MYO3B: variants seen among roughly 807,000 people sequenced by gnomAD.
The protein encoded by MYO3B is myosin-IIIb.
A neutral mutation model predicts 174.6 loss-of-function variants in MYO3B; 156 were observed. That is an observed-to-expected ratio of 0.89 (90% confidence interval 0.78 to 1.02). MYO3B has a LOEUF of 1.02. Ranked by LOEUF, MYO3B falls within the 50% of genes least tolerant of loss-of-function variation. The probability of loss-of-function intolerance (pLI) is 0.00; values close to 1 mark genes in which losing one functional copy is unlikely to be tolerated. For missense variants in MYO3B, 1,632 were observed against 1,639.4 expected (o/e 1.00, Z 0.08); for synonymous variants, 563 against 569.1 (o/e 0.99, Z 0.15).
intron 9 of MYO3B, among the ~76,000 whole-genome samples, chr2:170,371,216 TAAAAAAAA>T (rs56689548): frequency 1.1e-5 from 1 of 89,712 alleles, no homozygotes; most frequent in Admixed American, 1.3e-4. Context: ...AGACAGTGTC[TAAAAAAAA>T]AAAAAAAAAA....
At chr2:170,650,380 T>C (rs1575348189) in intron 32 of MYO3B, among the ~76,000 whole-genome samples, 1 of 152,144 alleles carries the variant, frequency 6.6e-6, no homozygotes, top group African/African-American at 2.4e-5. Context: ...ACTTTAAAAA[T>C]TCCCCCAGAA....
intron 6 of MYO3B, among the ~76,000 whole-genome samples, chr2:170,228,708 T>C (rs1303012218): frequency 6.6e-6 from 1 of 152,138 alleles, no homozygotes. Context: ...TGTTTTTAAT[T>C]TGAACCTGGC....
intron 32 of MYO3B, among the ~76,000 whole-genome samples, chr2:170,545,882 A>C (rs1690449608): frequency 6.6e-6 from 1 of 152,194 alleles, no homozygotes; most frequent in Admixed American, 6.5e-5. Flanking sequence ...AGATTTCTAA[A>C]GCAAAATCCT....
chr2:170,567,698 G>T (rs1306394125), intron 32 of MYO3B, among the ~76,000 whole-genome samples: 1 of 152,134 alleles, frequency 6.6e-6, no homozygotes, highest in Non-Finnish European at 1.5e-5. Flanking sequence ...AGTGCAAAAA[G>T]TACAACACAG....
At chr2:170,224,846 G>A (rs1018889338) in intron 6 of MYO3B, among the ~76,000 whole-genome samples, 1 of 152,164 alleles carries the variant, frequency 6.6e-6, no homozygotes, top group Non-Finnish European at 1.5e-5. Flanking sequence ...GCAAAGGGTC[G>A]TTGACAAGGG....
At chr2:170,467,840 C>A (rs1382328836) in intron 25 of MYO3B, among the ~76,000 whole-genome samples, 4 of 142,194 alleles carry the variant, frequency 2.8e-5, no homozygotes, top group South Asian at 2.2e-4. Context: ...AAGTTCCTTG[C>A]AATGAGAGCT....
Position 170,401,839 on chromosome 2 carries a change from G to A in MYO3B, c.2129+148G>A, listed in dbSNP as rs549955536. 5.4e-5 allele frequency: 40 copies of A among 745,724 alleles called. No individual in the cohort carries two copies. In the African/African-American group the frequency reaches 6.7e-4, roughly 12 times the overall value. The allele number at this position is 745,724 out of a possible 1,614,324, so 46.2% of individuals were successfully genotyped here. A position where few individuals can be genotyped will look rare whatever the true frequency, so the allele number is the denominator to read the frequency against. ...TTTTGTGGAGTCAGAGTCTCACGCT[G>A]TTGCCCAGGCCGGAGTGCAGTGGCA... is the stretch of plus-strand genomic sequence containing the variant. On this transcript the variant is annotated intron_variant, in intron 18 of 34. Transcript: ENST00000408978.
intron 22 of MYO3B, among the ~76,000 whole-genome samples, chr2:170,415,872 T>C (rs1158082848): frequency 6.6e-6 from 1 of 152,188 alleles, no homozygotes; most frequent in Non-Finnish European, 1.5e-5. Context: ...GTTGTTCTTA[T>C]CAACATAGTC....
At chr2:170,591,230 A>T (rs530962953) in intron 32 of MYO3B, among the ~76,000 whole-genome samples, 1 of 152,286 alleles carries the variant, frequency 6.6e-6, no homozygotes, top group South Asian at 2.1e-4. Flanking sequence ...TGGACTTAAG[A>T]GATTGTACAG....
chr2:170,563,036 A>ACACACG (rs1462662531), intron 32 of MYO3B, among the ~76,000 whole-genome samples: 1 of 145,426 alleles, frequency 6.9e-6, no homozygotes, highest in Non-Finnish European at 1.5e-5. Flanking sequence ...ATGCATACAC[A>ACACACG]CACACACACA....
intron 22 of MYO3B, among the ~76,000 whole-genome samples, chr2:170,422,522 G>C (rs939015544): frequency 1.3e-5 from 2 of 149,788 alleles, no homozygotes; most frequent in South Asian, 2.1e-4. Flanking sequence ...GCAGTGGCTC[G>C]ATCTCGGCTC....
chr2:170,577,859 A>C (rs1040842533), intron 32 of MYO3B, among the ~76,000 whole-genome samples: 9 of 152,180 alleles, frequency 5.9e-5, no homozygotes, highest in Non-Finnish European at 1.3e-4. Flanking sequence ...ACACTTAATA[A>C]AAATGTTTTC....
chr2:170,229,191 T>G (rs2092987686), intron 6 of MYO3B, among the ~76,000 whole-genome samples: 1 of 152,236 alleles, frequency 6.6e-6, no homozygotes, highest in Non-Finnish European at 1.5e-5. Flanking sequence ...TCAATAACAT[T>G]TATCAATTAT....
At chr2:170,255,368 C>T (rs568340615) in intron 7 of MYO3B, among the ~76,000 whole-genome samples, 32 of 152,104 alleles carry the variant, frequency 2.1e-4, no homozygotes, top group Admixed American at 3.9e-4. Context: ...CCTCCCTGCC[C>T]GGAGCACTGC....
chr2:170,505,042 C>T (rs1186956766), intron 28 of MYO3B, among the ~76,000 whole-genome samples: 1 of 152,030 alleles, frequency 6.6e-6, no homozygotes, highest in East Asian at 1.9e-4. Context: ...CTAGAGATCT[C>T]TGCGGGCCCA....
intron 3 of MYO3B, among the ~76,000 whole-genome samples, chr2:170,204,952 T>A (rs1574574561): frequency 2.0e-5 from 3 of 152,328 alleles, no homozygotes; most frequent in Middle Eastern, 3.4e-3. Flanking sequence ...TTCTTTTTTT[T>A]ATATCCAAGT....
At chr2:170,522,609 A>AG (rs1357193394) in intron 30 of MYO3B, among the ~76,000 whole-genome samples, 2 of 152,210 alleles carry the variant, frequency 1.3e-5, no homozygotes, top group Non-Finnish European at 2.9e-5. Flanking sequence ...CCGACTTCTC[A>AG]GGCTGCTGTT....
In MYO3B at chr2:170,653,832, G is replaced by C. The variant is rs1046376120; in HGVS notation, c.*711G>C. On this transcript the variant is annotated 3_prime_UTR_variant, in exon 35 of 35. Coordinates refer to ENST00000408978, the MANE Select transcript of MYO3B (RefSeq NM_138995.5). ...ACTTTGGTGATGAAAAGAAAGGAAT[G>C]AGAGGGAAAGTTTGGACCTGTCACT... 1 of 152,236 alleles carries C rather than the reference G, an allele frequency of 6.6e-6. No individual in the cohort carries two copies. Among genetic ancestry groups the C allele is most frequent in the Admixed American group, 6.5e-5 (1 of 15,286 alleles). 9.4% of individuals were successfully genotyped at this position (152,236 alleles called of 1,614,324 possible). A position where few individuals can be genotyped will look rare whatever the true frequency, so the allele number is the denominator to read the frequency against.
At chr2:170,611,012 C>T (rs1031915103) in intron 32 of MYO3B, among the ~76,000 whole-genome samples, 2 of 152,070 alleles carry the variant, frequency 1.3e-5, no homozygotes, top group African/African-American at 4.8e-5. Context: ...CCAGAGGAGC[C>T]GTTGAGTCTG....
Sources: allele counts gnomAD v4.1 joint callset (sites outside exome capture counted in the v4.1 genomes callset), GRCh38; gene constraint gnomAD v4.1.1; transcripts MANE v1.5; gene names NCBI Gene and HGNC (gene_info 2026-07-23, HGNC 2026-07-21).